Variants in SH3RF3 observed in about 807,000 individuals in gnomAD.
The protein encoded by SH3RF3 is SH3 domain containing ring finger 3, also known as E3 ubiquitin-protein ligase SH3RF3.
SH3RF3 carries 29 observed loss-of-function variants against 66.3 expected under a neutral mutation model. The observed-to-expected ratio is 0.44, with a 90% CI of 0.33 to 0.60. The LOEUF is 0.60. Ranked by LOEUF, SH3RF3 falls within the 20% of genes least tolerant of loss-of-function variation. SH3RF3 has a pLI of 0.04. For synonymous variants in SH3RF3, 583 were observed against 532.0 expected (o/e 1.10, Z -1.32); for missense variants, 1,194 against 1,190.9 (o/e 1.00, Z -0.04).
intron 1 of SH3RF3, among the ~76,000 whole-genome samples, chr2:109,272,468 T>C (rs1214099859): frequency 2.6e-5 from 4 of 152,214 alleles, no homozygotes; most frequent in African/African-American, 9.6e-5. Flanking sequence ...TTTCCTGGTG[T>C]GTGGGACGCA....
chr2:109,427,881 G>C (rs1375731213), intron 5 of SH3RF3, among the ~76,000 whole-genome samples: 1 of 152,246 alleles, frequency 6.6e-6, no homozygotes, highest in Non-Finnish European at 1.5e-5. Context: ...CCCGGAGCTG[G>C]CCATCCTGAG....
chr2:109,494,758 G>A (rs1679216808), intron 9 of SH3RF3, among the ~76,000 whole-genome samples: 1 of 152,134 alleles, frequency 6.6e-6, no homozygotes, highest in Admixed American at 6.5e-5. Context: ...AAATGCCAAG[G>A]AGGAATGGGC....
intron 1 of SH3RF3, among the ~76,000 whole-genome samples, chr2:109,195,906 C>T (rs1369138950): frequency 1.3e-5 from 2 of 152,172 alleles, no homozygotes; most frequent in East Asian, 3.9e-4. Context: ...CTCAGGGTTG[C>T]ATTATCTCAT....
At chr2:109,382,796 C>A (rs554349870) in intron 3 of SH3RF3, among the ~76,000 whole-genome samples, 114 of 152,340 alleles carry the variant, frequency 7.5e-4, no homozygotes, top group African/African-American at 2.5e-3. Context: ...TTGAAGTTAG[C>A]ACCCCCAATG....
At chr2:109,460,633 G>A (rs746865544) in intron 8 of SH3RF3, among the ~76,000 whole-genome samples, 16 of 152,232 alleles carry the variant, frequency 1.1e-4, no homozygotes, top group African/African-American at 1.7e-4. Flanking sequence ...ACCCTTTGGT[G>A]AGCATTTAAA....
chr2:109,269,709 G>T (rs1680582240), intron 1 of SH3RF3, among the ~76,000 whole-genome samples: 1 of 152,232 alleles, frequency 6.6e-6, no homozygotes, highest in African/African-American at 2.4e-5. Flanking sequence ...AACCAAGGAG[G>T]TGGAGGTTGC....
intron 1 of SH3RF3, among the ~76,000 whole-genome samples, chr2:109,277,462 G>A (rs1680782317): frequency 6.6e-6 from 1 of 152,228 alleles, no homozygotes; most frequent in South Asian, 2.1e-4. Flanking sequence ...CTCCCGTGAA[G>A]AGTCCTACTT....
chr2:109,159,851 G>T (rs1369412279), intron 1 of SH3RF3, among the ~76,000 whole-genome samples: 1 of 152,150 alleles, frequency 6.6e-6, no homozygotes, highest in African/African-American at 2.4e-5. Context: ...ACTGTCTTCC[G>T]TCACCCTCAG....
At chr2:109,203,194 G>A (rs996841402) in intron 1 of SH3RF3, among the ~76,000 whole-genome samples, 7 of 152,162 alleles carry the variant, frequency 4.6e-5, no homozygotes, top group African/African-American at 1.7e-4. Flanking sequence ...TGCCTTGCCC[G>A]CAAGAAGGAC....
chr2:109,315,351 C>T (rs551907713), intron 1 of SH3RF3, among the ~76,000 whole-genome samples: 1 of 152,318 alleles, frequency 6.6e-6, no homozygotes, highest in African/African-American at 2.4e-5. Context: ...AGGTAAAGTG[C>T]TTTGTTCATT....
chr2:109,441,982 A>G (rs907720949), intron 7 of SH3RF3, among the ~76,000 whole-genome samples: 2 of 149,374 alleles, frequency 1.3e-5, no homozygotes, highest in Non-Finnish European at 1.5e-5. Context: ...AGAATTATTC[A>G]GAAATAGTAA....
chr2:109,181,496 C>T (rs796921089), intron 1 of SH3RF3, among the ~76,000 whole-genome samples: 17 of 152,290 alleles, frequency 1.1e-4, no homozygotes, highest in African/African-American at 2.6e-4. Flanking sequence ...CACACACACA[C>T]GCACACTAAC....
At chr2:109,158,778 C>G (rs554069224) in intron 1 of SH3RF3, among the ~76,000 whole-genome samples, 1 of 152,360 alleles carries the variant, frequency 6.6e-6, no homozygotes, top group African/African-American at 2.4e-5. Context: ...AAGCAAGTAG[C>G]AATGGCTGAT....
At chr2:109,230,269 A>G (rs1679473685) in intron 1 of SH3RF3, among the ~76,000 whole-genome samples, 1 of 152,164 alleles carries the variant, frequency 6.6e-6, no homozygotes, top group Non-Finnish European at 1.5e-5. Flanking sequence ...AAAGCCATAT[A>G]CTTCCAGTAG....
At chr2:109,182,988 C>A (rs1489143632) in intron 1 of SH3RF3, among the ~76,000 whole-genome samples, 2 of 152,182 alleles carry the variant, frequency 1.3e-5, no homozygotes, top group African/African-American at 2.4e-5. Context: ...GGTCTCCTAA[C>A]AGGTTTCAGA....
intron 1 of SH3RF3, among the ~76,000 whole-genome samples, chr2:109,266,398 G>A (rs1680496180): frequency 6.6e-6 from 1 of 151,946 alleles, no homozygotes; most frequent in Non-Finnish European, 1.5e-5. Flanking sequence ...AAGCAGGAGT[G>A]TCCTCCGATA....
intron 4 of SH3RF3, among the ~76,000 whole-genome samples, chr2:109,416,447 A>G (rs763296808): frequency 2.0e-5 from 3 of 152,096 alleles, no homozygotes; most frequent in Middle Eastern, 3.4e-3. Flanking sequence ...AAAATACAAA[A>G]TATCTCGGCT....
chr2:109,154,261 G>A (rs1434880271), intron 1 of SH3RF3, among the ~76,000 whole-genome samples: 1 of 152,196 alleles, frequency 6.6e-6, no homozygotes, highest in Non-Finnish European at 1.5e-5. Context: ...GACCACATTG[G>A]ATGGAAGCTG....
intron 1 of SH3RF3, among the ~76,000 whole-genome samples, chr2:109,313,977 T>C (rs1363044524): frequency 1.3e-5 from 2 of 152,060 alleles, no homozygotes; most frequent in African/African-American, 2.4e-5. Context: ...TTGAAGGCTT[T>C]GGAACTGGGA....
Sources: allele counts gnomAD v4.1 joint callset (sites outside exome capture counted in the v4.1 genomes callset), GRCh38; gene constraint gnomAD v4.1.1; transcripts MANE v1.5; gene names NCBI Gene and HGNC (gene_info 2026-07-23, HGNC 2026-07-21).